WDR4: variants seen among roughly 807,000 people sequenced by gnomAD.
WDR4 encodes tRNA (guanine-N(7)-)-methyltransferase non-catalytic subunit WDR4.
A neutral mutation model predicts 48.6 loss-of-function variants in WDR4; 47 were observed. The ratio of observed to expected loss-of-function variants is 0.97; its 90% CI spans 0.77 to 1.23. The LOEUF (loss-of-function observed/expected upper bound fraction) is 1.23, where lower values mean the gene tolerates loss of function less well. WDR4 is among the 50% of genes most tolerant of loss of function. WDR4 has a pLI of 0.00. For synonymous variants in WDR4, 268 were observed against 230.0 expected (o/e 1.17, Z -1.49); for missense variants, 606 against 551.6 (o/e 1.10, Z -0.99).
At chr21:42,882,244 T>G (rs2058614951), upstream of WDR4, among the ~76,000 whole-genome samples, 1 of 149,208 alleles carries the variant, frequency 6.7e-6, no homozygotes, top group Non-Finnish European at 1.5e-5. Flanking sequence ...CTAGAGTGAG[T>G]GTGGGCTTTC....
rs759658428 is a variant in WDR4, at chr21:42,863,554, C to T, written c.339G>A (p.Ser113=). Residue 113 remains serine, a synonymous_variant, in exon 4 of 11, where the codon TCG becomes TCA. Transcript: ENST00000398208. ...TGTCGGCCACCAAGACCTTCTCCTC[C>T]GAGGCTATGAAAGTCAGGGCTGTAC... ...RRCTALTFIA[S]EEKVLVADKS... is the part of the protein sequence containing the mutation. 10 of 1,613,990 alleles carry T rather than the reference C, an allele frequency of 6.2e-6. No individual in the cohort carries two copies. Among genetic ancestry groups the T allele is most frequent in the South Asian group, 1.1e-5 (1 of 91,048 alleles).
intron 11 of WDR4, among the ~76,000 whole-genome samples, chr21:42,844,169 A>T (rs1487450318): frequency 6.6e-6 from 1 of 152,210 alleles, no homozygotes; most frequent in East Asian, 1.9e-4. Context: ...TCACGGACCC[A>T]TGAGTCCACA....
upstream of WDR4, chr21:42,879,546 C>G (rs2058585994): frequency 1.9e-6 from 3 of 1,597,176 alleles, no homozygotes; most frequent in Non-Finnish European, 2.6e-6. Flanking sequence ...GAGCCTCTTC[C>G]TGTCCGCACC....
downstream of WDR4, among the ~76,000 whole-genome samples, chr21:42,845,941 T>C (rs1351994795): frequency 6.6e-6 from 1 of 152,110 alleles, no homozygotes; most frequent in Non-Finnish European, 1.5e-5. Flanking sequence ...GAGACCAGCC[T>C]GGGCAGCAGA....
downstream of WDR4, among the ~76,000 whole-genome samples, chr21:42,848,155 C>T (rs1417251414): frequency 2.6e-5 from 4 of 152,184 alleles, no homozygotes; most frequent in Non-Finnish European, 5.9e-5. Context: ...CCAGCGATAC[C>T]CCACATCATA....
In WDR4 at chr21:42,862,495, A is replaced by G; in HGVS notation, c.454-101T>C. The G allele has an allele frequency of 1.8e-6, 2 of 1,096,426 alleles. No homozygotes were observed. Among genetic ancestry groups the G allele is most frequent in the East Asian group, 2.6e-5 (1 of 38,818 alleles). 67.9% of individuals were successfully genotyped at this position (1,096,426 alleles called of 1,614,324 possible). ...CAGGGAAGCTGCAGCCTGGCCGCCA[A>G]GAGGATGAGGCCTTCGAGGACAGAC... On this transcript the variant is annotated intron_variant, in intron 4 of 10. Coordinates refer to ENST00000398208, the MANE Select transcript of WDR4 (RefSeq NM_018669.6). This position sits in a 1 kb window ranked among gnomAD's most constrained non-coding sequence, Gnocchi z 4.3.
At chr21:42,863,041 C>T (rs905582608) in intron 4 of WDR4, among the ~76,000 whole-genome samples, 6 of 152,180 alleles carry the variant, frequency 3.9e-5, no homozygotes, top group African/African-American at 1.4e-4. Context: ...GAGCCAGAGG[C>T]TCGTGGCTGC....
rs141073755 is a variant in WDR4 at position 42,873,649 on chromosome 21, C to A, written c.198G>T (p.Ala66=). ...PLDQGSGAIL[A]STFSKSGSYF... ...AGCTGCCAGACTTGGAGAAGGTGGA[C>A]GCCAGAATCGCACCGCTCCCCTGGT... The change falls in exon 3 of 11, where the codon GCG becomes GCT. Residue 66 remains alanine (A), a synonymous_variant. Transcript: ENST00000398208. The A allele has an allele frequency of 1.2e-6, 2 of 1,613,966 alleles. No homozygotes were observed. The highest frequency in any genetic ancestry group is 1.3e-5 in the African/African-American group (1 of 74,882).
chr21:42,852,433 TG>T lies in WDR4; in HGVS notation c.976-110del, dbSNP rs2057858245. ...GAGGCTTGCAGGGGAGGTCCCCTCC[TG>T]GTGCCTGGGGACCCCCATTCACCTT... On this transcript the variant is annotated intron_variant, in intron 9 of 10. Coordinates refer to ENST00000398208, the MANE Select transcript of WDR4 (RefSeq NM_018669.6). The T allele has an allele frequency of 3.1e-6, 4 of 1,277,132 alleles. No homozygotes were observed. In the East Asian group the frequency reaches 1.0e-4, roughly 32 times the overall value. 79.1% of individuals were successfully genotyped at this position (1,277,132 alleles called of 1,614,324 possible).
downstream of WDR4, among the ~76,000 whole-genome samples, chr21:42,845,396 C>T (rs776184767): frequency 2.6e-5 from 4 of 152,198 alleles, no homozygotes; most frequent in Non-Finnish European, 4.4e-5. Context: ...CTCTCCTTCC[C>T]GGAGGGGCCC....
Position 42,850,031 on chromosome 21 carries a change from C to G in WDR4, c.*18G>C. ...GCTTTTCCTAATTTGAGGTGAGAGA[C>G]ACCACTGACCGCCACGATCAGCAAC... On this transcript the variant is annotated 3_prime_UTR_variant, in exon 11 of 11. Coordinates refer to ENST00000398208, the MANE Select transcript of WDR4 (RefSeq NM_018669.6). 6.2e-7 allele frequency: 1 copy of G among 1,610,306 alleles called. No homozygotes were observed. The highest frequency in any genetic ancestry group is 1.7e-5 in the Admixed American group (1 of 58,358).
upstream of WDR4, among the ~76,000 whole-genome samples, chr21:42,881,533 T>A (rs2058610919): frequency 2.0e-5 from 3 of 152,320 alleles, no homozygotes; most frequent in South Asian, 6.2e-4. Flanking sequence ...AGTAGTTGCC[T>A]TTTTCTCTGC....
rs1269114893 is a variant in WDR4 at position 42,850,173 on chromosome 21, A to G, written c.1115T>C (p.Leu372Pro). The change falls in exon 11 of 11, where the codon CTG (leucine) becomes CCG (proline). Residue 372 changes from leucine (L) to proline (P), a missense_variant. Physicochemically the swap from Leu to Pro is moderately conservative, Grantham distance 98 (BLOSUM62 -3). Transcript: ENST00000398208. ...CTGCAGTCTCTCCTCTTTCTTCTTCAGGTAGGAGGTCACGTTGTCGAACGT... is the reference window on the plus strand; with the variant it reads ...CTGCAGTCTCTCCTCTTTCTTCTTCGGGTAGGAGGTCACGTTGTCGAACGT... ...KATFDNVTSYLKKKEERLQQQ... is the reference protein window; with the variant it reads ...KATFDNVTSYPKKKEERLQQQ... The G allele has an allele frequency of 2.5e-6, 4 of 1,613,906 alleles. No homozygotes were observed. The highest frequency in any genetic ancestry group is 3.4e-6 in the Non-Finnish European group (4 of 1,179,936).
chr21:42,873,937 G>A (rs930937706), intron 2 of WDR4, among the ~76,000 whole-genome samples: 4 of 152,148 alleles, frequency 2.6e-5, no homozygotes, highest in Non-Finnish European at 5.9e-5. Flanking sequence ...AGCTAAGCTG[G>A]AAGAACCCTC....
intron 3 of WDR4, among the ~76,000 whole-genome samples, chr21:42,871,311 A>G (rs901793026): frequency 2.0e-5 from 3 of 152,168 alleles, no homozygotes; most frequent in African/African-American, 7.2e-5. Context: ...GACAACTACT[A>G]TCTTCTTTCA....
chr21:42,870,241 C>T (rs1328498449), intron 3 of WDR4, among the ~76,000 whole-genome samples: 2 of 152,132 alleles, frequency 1.3e-5, no homozygotes, highest in Non-Finnish European at 2.9e-5. Flanking sequence ...ATCTCAGCTG[C>T]TCGGGAGGCG....
chr21:42,882,553 A>C (rs2058616212), upstream of WDR4, among the ~76,000 whole-genome samples: 1 of 151,028 alleles, frequency 6.6e-6, no homozygotes, highest in Non-Finnish European at 1.5e-5. Context: ...CAAGGGTGAA[A>C]CTCCATCTCA....
At chr21:42,868,812 G>A (rs886760278) in intron 3 of WDR4, among the ~76,000 whole-genome samples, 1 of 152,258 alleles carries the variant, frequency 6.6e-6, no homozygotes, top group African/African-American at 2.4e-5. Context: ...GCTTCGCCGT[G>A]TCTGTTGTCA....
downstream of WDR4, among the ~76,000 whole-genome samples, chr21:42,844,487 G>A (rs3746936): frequency 0.88 from 133,542 of 152,258 alleles, 58,631 homozygotes; most frequent in Middle Eastern, 0.92. Context: ...TTCCGAGAAC[G>A]GAGGCGCTGA....
Sources: allele counts gnomAD v4.1 joint callset (sites outside exome capture counted in the v4.1 genomes callset), GRCh38; gene constraint gnomAD v4.1.1; non-coding constraint Gnocchi (gnomAD v3.1); transcripts MANE v1.5; gene names NCBI Gene and HGNC (gene_info 2026-07-23, HGNC 2026-07-21).